AKAP6: variants seen among roughly 807,000 people sequenced by gnomAD.
AKAP6 encodes the protein A-kinase anchoring protein 6.
In AKAP6, 58 loss-of-function variants were observed where a neutral mutation model predicts 188.5. The observed-to-expected ratio is 0.31, with a 90% CI of 0.25 to 0.38. The LOEUF (loss-of-function observed/expected upper bound fraction) is 0.38, where lower values mean the gene tolerates loss of function less well. Ranked by LOEUF, AKAP6 falls within the 10% of genes least tolerant of loss-of-function variation. The pLI, the probability that AKAP6 is intolerant of heterozygous loss-of-function variation, is 1.00. For synonymous variants in AKAP6, 989 were observed against 998.6 expected, an observed-to-expected ratio of 0.99 and a Z score of 0.18; for missense variants, 2,710 against 2,740.0, an observed-to-expected ratio of 0.99 and a Z score of 0.24.
chr14:32,613,108 T>A (rs1471087828), intron 7 of AKAP6, among the ~76,000 whole-genome samples: 2 of 152,232 alleles, frequency 1.3e-5, no homozygotes, highest in Non-Finnish European at 2.9e-5. Context: ...AGGAAATATA[T>A]GATTGGGGAG....
chr14:32,730,812 CCT>C (rs1349372112), intron 9 of AKAP6, among the ~76,000 whole-genome samples: 3 of 152,118 alleles, frequency 2.0e-5, no homozygotes, highest in Non-Finnish European at 4.4e-5. Flanking sequence ...AGCAGATTGT[CCT>C]CTCCTCCAAT....
At chr14:32,535,940 AG>A in intron 3 of AKAP6, 135 bp downstream of exon 3, 8 of 1,282,478 alleles carry the variant, frequency 6.2e-6, no homozygotes, top group Non-Finnish European at 8.5e-6. Flanking sequence ...ATCTAGGCAT[AG>A]TGACTAGAAG....
chr14:32,461,942 A>G (rs1248003136), intron 2 of AKAP6, among the ~76,000 whole-genome samples: 3 of 151,878 alleles, frequency 2.0e-5, no homozygotes, highest in Non-Finnish European at 4.4e-5. Context: ...ATACACAAGT[A>G]TCAATAGCCA....
chr14:32,728,370 CT>C (rs1730214311), intron 9 of AKAP6, among the ~76,000 whole-genome samples: 2 of 151,392 alleles, frequency 1.3e-5, no homozygotes, highest in Admixed American at 1.3e-4. Flanking sequence ...ATCTATCTAT[CT>C]ATCTATCTAT....
intron 2 of AKAP6, among the ~76,000 whole-genome samples, chr14:32,466,374 C>T (rs910499617): frequency 6.6e-6 from 1 of 152,152 alleles, no homozygotes; most frequent in African/African-American, 2.4e-5. Flanking sequence ...GGCACATGTA[C>T]ACCATGGAAT....
In AKAP6 at chr14:32,476,248, A is replaced by T. The variant is rs148625824; in HGVS notation, c.324+42431A>T. Among the ~76,000 whole-genome samples the T allele has an allele frequency of 3.3e-5, 5 of 152,304 alleles. No individual in the cohort carries two copies. In the East Asian group the frequency reaches 9.6e-4, roughly 29 times the overall value. On this transcript the variant is annotated intron_variant, in intron 2 of 13. Coordinates refer to ENST00000280979, the MANE Select transcript of AKAP6 (RefSeq NM_004274.5). ...CACAAGTGACAAAAATTCTGACCTC[A>T]TGCTCTTAAAGTTTTTATAATGATT... is the stretch of plus-strand genomic sequence containing the variant.
At chr14:32,353,616 G>T (rs1269400181) in intron 1 of AKAP6, among the ~76,000 whole-genome samples, 1 of 152,084 alleles carries the variant, frequency 6.6e-6, no homozygotes, top group East Asian at 1.9e-4. Context: ...AGGGCAGTCA[G>T]GCAGGAGAAA....
At chr14:32,376,411 G>C (rs1479026608) in intron 1 of AKAP6, among the ~76,000 whole-genome samples, 1 of 152,108 alleles carries the variant, frequency 6.6e-6, no homozygotes, top group African/African-American at 2.4e-5. Flanking sequence ...TTTGTGCCCT[G>C]TAGTAGCCCT....
intron 8 of AKAP6, among the ~76,000 whole-genome samples, chr14:32,679,121 G>A (rs1381087930): frequency 6.6e-6 from 1 of 152,122 alleles, no homozygotes; most frequent in East Asian, 1.9e-4. Context: ...TTAAAATTAT[G>A]TGAACGTTGT....
chr14:32,423,345 ATT>A (rs1425420449), intron 1 of AKAP6, among the ~76,000 whole-genome samples: 2 of 151,448 alleles, frequency 1.3e-5, no homozygotes, highest in Non-Finnish European at 2.9e-5. Context: ...AAGTTTTTGT[ATT>A]TTTGTGTGTG....
rs74517476 is a variant in AKAP6, at chr14:32,535,977, G to A, written c.576+172G>A. ...CTAGGGCACTTCCAATATGAATGGGGCTTTAGACCAGAGTTAGCTCATACC... is the reference window on the plus strand; with the variant it reads ...CTAGGGCACTTCCAATATGAATGGGACTTTAGACCAGAGTTAGCTCATACC... On this transcript the variant is annotated intron_variant, in intron 3 of 13. Coordinates refer to ENST00000280979, the MANE Select transcript of AKAP6 (RefSeq NM_004274.5). Among the ~76,000 whole-genome samples the A allele has an allele frequency of 7.6e-3, 1,155 of 152,296 alleles. 16 individuals are homozygous for A. Among genetic ancestry groups the A allele is most frequent in the African/African-American group, 0.027 (1,125 of 41,550 alleles).
rs751878006 is a variant in AKAP6 at position 32,735,667 on chromosome 14, G to A, written c.3157G>A (p.Gly1053Arg). 6.3e-7 allele frequency: 1 copy of A among 1,589,404 alleles called. No homozygotes were observed. Among genetic ancestry groups the A allele is most frequent in the East Asian group, 2.2e-5 (1 of 44,662 alleles). Residue 1053 changes from glycine (G) to arginine (R), a missense_variant, in exon 11 of 14, where the codon GGA (glycine) becomes AGA (arginine). Gly to Arg is a moderately radical substitution (Grantham distance 125). Transcript: ENST00000280979. The stretch of plus-strand genomic sequence containing the variant: ...TAATCTGATGCATTAGAAAACCCTA[G>A]GAGAGAAGATCCAGGACACAATGGC... ...EKWELLGKTL[G>R]EKIQDTMAGH...
In AKAP6 at chr14:32,448,951, T is replaced by C. The variant is rs137938657; in HGVS notation, c.324+15134T>C. ...ATTCTACAATCTTGATTCTACAATG[T>C]TTAGTAAAAGATAGATACCTGGATT... On this transcript the variant is annotated intron_variant, in intron 2 of 13. Transcript: ENST00000280979. Among the ~76,000 whole-genome samples the C allele has an allele frequency of 2.7e-4, 41 of 152,258 alleles. No individual in the cohort carries two copies. In the East Asian group the frequency reaches 4.6e-3, roughly 17 times the overall value.
At chr14:32,751,109 T>C (rs1566686283) in intron 11 of AKAP6, among the ~76,000 whole-genome samples, 1 of 152,066 alleles carries the variant, frequency 6.6e-6, no homozygotes, top group African/African-American at 2.4e-5. Flanking sequence ...TTTTAATGAA[T>C]AAAAATAAAA....
chr14:32,824,969 A>C (rs1162568708), intron 13 of AKAP6, among the ~76,000 whole-genome samples, 154 bp downstream of exon 13: 1 of 151,742 alleles, frequency 6.6e-6, no homozygotes, highest in Non-Finnish European at 1.5e-5. Flanking sequence ...CAACAATGAA[A>C]GTAACTGTGA....
intron 1 of AKAP6, among the ~76,000 whole-genome samples, chr14:32,408,065 C>T (rs1420177985): frequency 6.6e-6 from 1 of 152,094 alleles, no homozygotes; most frequent in Non-Finnish European, 1.5e-5. Context: ...TTCTAACACC[C>T]CCAGACTGTA....
chr14:32,631,273 A>G (rs1887262272), intron 7 of AKAP6, among the ~76,000 whole-genome samples: 1 of 152,016 alleles, frequency 6.6e-6, no homozygotes, highest in Non-Finnish European at 1.5e-5. Flanking sequence ...CCTGTGTGTA[A>G]GATTAAGATT....
chr14:32,497,826 G>T (rs1880403362), intron 2 of AKAP6, among the ~76,000 whole-genome samples: 1 of 151,960 alleles, frequency 6.6e-6, no homozygotes, highest in African/African-American at 2.4e-5. Flanking sequence ...GTCTCATTAG[G>T]TGAATTAACA....
chr14:32,449,259 G>A (rs955252935), intron 2 of AKAP6, among the ~76,000 whole-genome samples: 16 of 152,124 alleles, frequency 1.1e-4, no homozygotes, highest in Non-Finnish European at 2.2e-4. Context: ...TGTAACCCCA[G>A]CACTTTGGGA....
Sources: gnomAD v4.1 joint callset for allele counts (sites outside exome capture counted in the v4.1 genomes callset) on GRCh38, gnomAD v4.1.1 for gene constraint, MANE v1.5 for transcripts, NCBI Gene and HGNC (gene_info 2026-07-23, HGNC 2026-07-21) for gene names.